Variants in RBM47 observed in about 807,000 individuals in gnomAD.
RBM47 encodes RNA binding motif protein 47.
RBM47 carries 21 observed loss-of-function variants against 47.1 expected under a neutral mutation model. The observed-to-expected ratio is 0.45, with a 90% CI of 0.32 to 0.64. The LOEUF (loss-of-function observed/expected upper bound fraction) is 0.64, where lower values mean the gene tolerates loss of function less well. Ranked by LOEUF, RBM47 falls within the 30% of genes least tolerant of loss-of-function variation. The pLI is 0.05. For synonymous variants in RBM47, 375 were observed against 361.7 expected (o/e 1.04, Z -0.42); for missense variants, 708 against 870.9 (o/e 0.81, Z 2.35).
intron 1 of RBM47, among the ~76,000 whole-genome samples, chr4:40,593,094 A>G (rs1275896810): frequency 7.3e-6 from 1 of 137,202 alleles, no homozygotes; most frequent in Admixed American, 7.8e-5. Flanking sequence ...TCCCAGGTTC[A>G]CGCCATTCTC....
In RBM47 at chr4:40,628,136, C is replaced by T. The variant is rs1401569629; in HGVS notation, c.-240+1260G>A. On this transcript the variant is annotated intron_variant, in intron 1 of 6. Coordinates refer to ENST00000295971, the MANE Select transcript of RBM47 (RefSeq NM_001098634.2). This position sits in a 1 kb window ranked among gnomAD's most constrained non-coding sequence, Gnocchi z 4.0. ...GCTTGGGAAATTTCTGAGACCCCAT[C>T]CTTCCAGCATGCAATAATTAAGTCA... 2.0e-5 allele frequency among the ~76,000 whole-genome samples: 3 copies of T among 152,164 alleles called. No individual in the cohort carries two copies. Among genetic ancestry groups the T allele is most frequent in the Admixed American group, 6.5e-5 (1 of 15,280 alleles).
At chr4:40,504,373 C>T (rs1285451367) in intron 2 of RBM47, among the ~76,000 whole-genome samples, 1 of 151,166 alleles carries the variant, frequency 6.6e-6, no homozygotes, top group African/African-American at 2.4e-5. Context: ...TCACTGAAAC[C>T]TCCACCTCCC....
chr4:40,436,114 G>T (rs985226337), intron 5 of RBM47, among the ~76,000 whole-genome samples: 2 of 150,370 alleles, frequency 1.3e-5, no homozygotes, highest in African/African-American at 4.9e-5. Flanking sequence ...AGAGCTTGCA[G>T]TGAGCCAAGA....
At chr4:40,627,285 C>CT (rs11393811) in intron 1 of RBM47, among the ~76,000 whole-genome samples, 83,962 of 151,958 alleles carry the variant, frequency 0.55, 24,874 homozygotes, top group African/African-American at 0.78. Context: ...TAAGCATACC[C>CT]TTTTTCTAAG....
intron 2 of RBM47, among the ~76,000 whole-genome samples, chr4:40,487,929 C>A (rs751736723): frequency 3.1e-5 from 4 of 127,020 alleles, no homozygotes; most frequent in Admixed American, 7.7e-5. Context: ...ACCTACAGGG[C>A]CAGAGGAGGG....
intron 2 of RBM47, among the ~76,000 whole-genome samples, chr4:40,503,430 T>C (rs1723667405): frequency 6.6e-6 from 1 of 152,114 alleles, no homozygotes; most frequent in Admixed American, 6.6e-5. Flanking sequence ...GTACCAGCAA[T>C]GCCAGTCCTG....
At chr4:40,426,259 GA>G in intron 6 of RBM47, 116 bp from the exon 7 acceptor site, 2 of 1,371,208 alleles carry the variant, frequency 1.5e-6, no homozygotes, top group East Asian at 2.3e-5. Context: ...GCAAGGGAGA[GA>G]AAGGCAGAGG....
chr4:40,581,407 C>T (rs1240649650), intron 1 of RBM47, among the ~76,000 whole-genome samples: 9 of 142,290 alleles, frequency 6.3e-5, no homozygotes, highest in African/African-American at 1.0e-4. Flanking sequence ...GGTGACAGAG[C>T]GAGAACTTGT....
intron 2 of RBM47, among the ~76,000 whole-genome samples, chr4:40,535,727 T>C (rs1727908257): frequency 6.6e-6 from 1 of 152,098 alleles, no homozygotes; most frequent in South Asian, 2.1e-4. Flanking sequence ...CCCCAGCTAC[T>C]TTTTGTATTT....
At chr4:40,591,344 T>C (rs1025089273) in intron 1 of RBM47, among the ~76,000 whole-genome samples, 3 of 152,134 alleles carry the variant, frequency 2.0e-5, no homozygotes, top group Admixed American at 1.3e-4. Flanking sequence ...CTTTACATTA[T>C]GTAAATTTTG....
chr4:40,460,436 G>A (rs779711997), intron 3 of RBM47, among the ~76,000 whole-genome samples: 1 of 152,246 alleles, frequency 6.6e-6, no homozygotes, highest in Non-Finnish European at 1.5e-5. Context: ...GAGCTCAACC[G>A]CTTGAGTTCA....
At chr4:40,426,418 A>G (rs1391633661) in intron 6 of RBM47, among the ~76,000 whole-genome samples, 2 of 152,234 alleles carry the variant, frequency 1.3e-5, no homozygotes, top group East Asian at 3.8e-4. Context: ...GTTGCCCCTC[A>G]GTATCCTCAC....
chr4:40,432,614 C>T lies in RBM47; in HGVS notation c.1542+37G>A, dbSNP rs771328457. ...ATGAATCCATGTTAAAGAGAGGCTT[C>T]ACACACAAATGACAATGCCTGCAAT... On this transcript the variant is annotated intron_variant, in intron 6 of 6. Transcript: ENST00000295971. The T allele has an allele frequency of 3.1e-6, 5 of 1,608,998 alleles. No homozygotes were observed. In the East Asian group the frequency reaches 1.1e-4, roughly 36 times the overall value.
chr4:40,590,982 T>A (rs925416961), intron 1 of RBM47, among the ~76,000 whole-genome samples: 3 of 152,174 alleles, frequency 2.0e-5, no homozygotes, highest in Admixed American at 6.5e-5. Context: ...TTTGTATTTT[T>A]AGTAGAGTCG....
At chr4:40,495,923 T>C (rs755199069) in intron 2 of RBM47, among the ~76,000 whole-genome samples, 6 of 152,226 alleles carry the variant, frequency 3.9e-5, no homozygotes, top group African/African-American at 7.2e-5. Flanking sequence ...TTATAGCTGA[T>C]TGCCGCTTAC....
intron 2 of RBM47, among the ~76,000 whole-genome samples, chr4:40,518,045 AT>A (rs951316939): frequency 2.7e-5 from 4 of 150,632 alleles, no homozygotes; most frequent in African/African-American, 9.8e-5. Context: ...GCTTTTATTT[AT>A]TTATTTATTT....
intron 1 of RBM47, among the ~76,000 whole-genome samples, chr4:40,620,440 G>A (rs1266605795): frequency 6.6e-6 from 1 of 152,018 alleles, no homozygotes; most frequent in Non-Finnish European, 1.5e-5. Flanking sequence ...GGGAGGTGGA[G>A]GTTGCAGTGA....
chr4:40,611,836 A>G (rs1736289172), intron 1 of RBM47, among the ~76,000 whole-genome samples: 1 of 152,224 alleles, frequency 6.6e-6, no homozygotes, highest in Non-Finnish European at 1.5e-5. Flanking sequence ...GGCAAAACCA[A>G]AGAGCATCTG....
intron 2 of RBM47, among the ~76,000 whole-genome samples, chr4:40,473,560 T>C (rs988162130): frequency 5.9e-5 from 9 of 152,220 alleles, no homozygotes; most frequent in Non-Finnish European, 8.8e-5. Context: ...CTTTAAACAG[T>C]AAATGATATT....
Sources: allele counts gnomAD v4.1 joint callset (sites outside exome capture counted in the v4.1 genomes callset), GRCh38; gene constraint gnomAD v4.1.1; non-coding constraint Gnocchi (gnomAD v3.1); transcripts MANE v1.5; gene names NCBI Gene and HGNC (gene_info 2026-07-23, HGNC 2026-07-21).